The following KMT5C variants were observed in gnomAD, a reference collection of about 807,000 sequenced individuals.
KMT5C encodes lysine methyltransferase 5C, also known as histone-lysine N-methyltransferase KMT5C.
A neutral mutation model predicts 38.2 loss-of-function variants in KMT5C; 16 were observed. The ratio of observed to expected loss-of-function variants is 0.42; its 90% CI spans 0.28 to 0.64. The LOEUF (loss-of-function observed/expected upper bound fraction) is 0.64. Among genes scored for constraint, KMT5C ranks in the 30% least tolerant of loss-of-function variants. The pLI, the probability that KMT5C is intolerant of heterozygous loss-of-function variation, is 0.23. For synonymous variants in KMT5C, 291 were observed against 279.0 expected (o/e 1.04, Z -0.43); for missense variants, 598 against 665.1 (o/e 0.90, Z 1.11).
chr19:55,347,731 C>T lies in KMT5C; in HGVS notation c.*282C>T. 1 of 458,550 alleles carries T rather than the reference C, an allele frequency of 2.2e-6. No homozygotes were observed. Among genetic ancestry groups the T allele is most frequent in the Admixed American group, 4.0e-5 (1 of 24,786 alleles). The allele number at this position is 458,550 out of a possible 1,614,324, so 28.4% of individuals were successfully genotyped here. The stretch of plus-strand genomic sequence containing the variant: ...TCAGGACTGCAGGAGCCATCCGCCC[C>T]CCTCAGCCCCTTCCTCCCCAGGGAG... On this transcript the variant is annotated 3_prime_UTR_variant, in exon 9 of 9. Coordinates refer to ENST00000255613, the MANE Select transcript of KMT5C (RefSeq NM_032701.4). This position sits in a 1 kb window ranked among gnomAD's most constrained non-coding sequence, Gnocchi z 4.6.
intron 8 of KMT5C, 114 bp from the exon 9 acceptor site, chr19:55,346,842 C>G (rs2089624941): frequency 1.8e-6 from 1 of 560,148 alleles, no homozygotes; most frequent in Non-Finnish European, 2.9e-6. Context: ...CCGCATCATT[C>G]CTCTGGGGAG....
chr19:55,344,764 A>C (rs755082997), intron 6 of KMT5C: 1 of 528,356 alleles, frequency 1.9e-6, no homozygotes, highest in Non-Finnish European at 3.9e-6. Context: ...TGTAGCCCGG[A>C]AGCAGAAGGA....
chr19:55,342,690 G>A, intron 3 of KMT5C, 52 bp from the exon 4 acceptor site: 1 of 1,035,392 alleles, frequency 9.7e-7, no homozygotes, highest in Admixed American at 1.7e-5. Flanking sequence ...GGAGAGAGAG[G>A]GCCAAAGATG....
chr19:55,342,918 C>T, intron 4 of KMT5C, 67 bp downstream of exon 4: 1 of 1,048,074 alleles, frequency 9.5e-7, no homozygotes, highest in Non-Finnish European at 1.5e-6. Context: ...CAAGAGAGAC[C>T]CTCTGTTCAT....
rs753126440 is a variant in KMT5C, at chr19:55,347,165, C to A, written c.1105C>A (p.Arg369=). 29 of 1,536,326 alleles carry A rather than the reference C, an allele frequency of 1.9e-5. No individual in the cohort carries two copies. The highest frequency in any genetic ancestry group is 2.4e-5 in the Non-Finnish European group (28 of 1,146,886). ...WGGCGPHCRL[R]GEALVALGQP... Reference sequence around the variant, plus strand: ...AGGCTGTGGCCCCCACTGCCGCCTGCGAGGAGAGGCCCTGGTGGCCCTGGG... The same window carrying A: ...AGGCTGTGGCCCCCACTGCCGCCTGAGAGGAGAGGCCCTGGTGGCCCTGGG... The change falls in exon 9 of 9, where the codon CGA becomes AGA. Residue 369 remains arginine (R), a synonymous_variant. Coordinates refer to ENST00000255613, the MANE Select transcript of KMT5C (RefSeq NM_032701.4). This position sits in a 1 kb window ranked among gnomAD's most constrained non-coding sequence, Gnocchi z 4.6.
rs1279753778 is a variant in KMT5C, at chr19:55,343,967, A to G, written c.551-11A>G. 1.9e-6 allele frequency: 3 copies of G among 1,612,342 alleles called. No homozygotes were observed. Among genetic ancestry groups the G allele is most frequent in the Non-Finnish European group, 2.5e-6 (3 of 1,178,718 alleles). On this transcript the variant is annotated splice_polypyrimidine_tract_variant and intron_variant, in intron 5 of 8. Transcript: ENST00000255613. The surrounding 1 kb of genome is among the most constrained non-coding windows in gnomAD (Gnocchi z 5.5). ...TACCTCTCTTCTCTCTCCTGCCCCA[A>G]CTGGCTCCAGACTGCAAACCCAACT...
chr19:55,342,120 C>T, intron 2 of KMT5C, 74 bp downstream of exon 2: 1 of 1,579,582 alleles, frequency 6.3e-7, no homozygotes, highest in Non-Finnish European at 8.7e-7. Context: ...CGCCCCTCGG[C>T]CCTCTCCTTA....
chr19:55,346,519 C>A lies in KMT5C; in HGVS notation c.727C>A (p.Arg243=). The change falls in exon 8 of 9, where the codon CGA becomes AGA. Residue 243 remains arginine (R), a synonymous_variant. Transcript: ENST00000255613. ...TCERKGEGAF[R]TRPREPALPP... ...TCCCAGGAAAGGTGAAGGAGCTTTCCGAACCAGGCCTAGGGAGCCCGCGTT... is the reference window on the plus strand; with the variant it reads ...TCCCAGGAAAGGTGAAGGAGCTTTCAGAACCAGGCCTAGGGAGCCCGCGTT... The A allele has an allele frequency of 6.3e-7, 1 of 1,596,340 alleles. No individual in the cohort carries two copies. The highest frequency in any genetic ancestry group is 2.3e-5 in the East Asian group (1 of 43,470).
Position 55,342,296 on chromosome 19 carries a change from G to T in KMT5C, c.192G>T (p.Ala64=), listed in dbSNP as rs766318364. The T allele has an allele frequency of 1.3e-6, 2 of 1,596,428 alleles. No individual in the cohort carries two copies. Among genetic ancestry groups the T allele is most frequent in the Non-Finnish European group, 1.7e-6 (2 of 1,173,120 alleles). ...TGAGGCAGCGGGACCTGGAGGCTGC[G>T]TACCGGGCCCTGACGCTGGGAGGCT... ...TFLRQRDLEA[A]YRALTLGGWT... Residue 64 remains alanine (A), a synonymous_variant, in exon 3 of 9, where the codon GCG becomes GCT. Coordinates refer to ENST00000255613, the MANE Select transcript of KMT5C (RefSeq NM_032701.4).
chr19:55,344,428 G>A (rs1431965429), intron 6 of KMT5C: 1 of 328,530 alleles, frequency 3.0e-6, no homozygotes, highest in Admixed American at 4.3e-5. Flanking sequence ...GGTCCTGGAA[G>A]GGGCAGAGTG....
In KMT5C at chr19:55,346,672, C is replaced by G. The variant is rs780554220; in HGVS notation, c.880C>G (p.Arg294Gly). 7.7e-6 allele frequency: 12 copies of G among 1,568,054 alleles called. No individual in the cohort carries two copies. In the Admixed American group the frequency reaches 1.9e-4, roughly 25 times the overall value. ...CTGCGTGCACCCATCCCCGCTGCGC[C>G]GGGACCCATTCTGCGGTGAGCACCC... is the stretch of plus-strand genomic sequence containing the variant. ...RACVHPSPLRRDPFCAACQPL... is the reference protein window; with the variant it reads ...RACVHPSPLRGDPFCAACQPL... The change falls in exon 8 of 9, where the codon CGG becomes GGG. Residue 294 changes from arginine (R) to glycine (G), a missense_variant. Around this residue, in one of 3 missense-constraint regions of KMT5C, gnomAD observed 326 missense variants for 298.1 expected, o/e 1.09. Coordinates refer to ENST00000255613, the MANE Select transcript of KMT5C (RefSeq NM_032701.4).
rs757348957 is a variant in KMT5C, at chr19:55,342,426, G to C, written c.276+46G>C. 74 of 1,382,856 alleles carry C rather than the reference G, an allele frequency of 5.4e-5. 1 individual carries two copies. The Admixed American group carries it at 1.8e-3, about 33-fold the overall frequency. 85.7% of individuals were successfully genotyped at this position (1,382,856 alleles called of 1,614,324 possible). ...CCCGCCCTCACCGCGTGTCCTCCCCGCTCACCGGGCCTGGTCCCGCCTGGC... is the reference window on the plus strand; with the variant it reads ...CCCGCCCTCACCGCGTGTCCTCCCCCCTCACCGGGCCTGGTCCCGCCTGGC... On this transcript the variant is annotated intron_variant, in intron 3 of 8. Coordinates refer to ENST00000255613, the MANE Select transcript of KMT5C (RefSeq NM_032701.4).
At chr19:55,344,736 A>G (rs1200394242) in intron 6 of KMT5C, 2 of 527,036 alleles carry the variant, frequency 3.8e-6, no homozygotes, top group Non-Finnish European at 7.8e-6. Context: ...CATGCCCAGG[A>G]GAGGCCGCTG....
intron 3 of KMT5C, 74 bp downstream of exon 3, chr19:55,342,454 A>G (rs1390963555): frequency 8.0e-7 from 1 of 1,247,232 alleles, no homozygotes; most frequent in African/African-American, 1.5e-5. Context: ...CGCCTGGCAG[A>G]CGCTCTAGAG....
chr19:55,346,496 C>T lies in KMT5C; in HGVS notation c.708-4C>T. ...CCTCATCTCCCCTTCACCCGGTCTC[C>T]CAGGAAAGGTGAAGGAGCTTTCCGA... On this transcript the variant is annotated splice_polypyrimidine_tract_variant and splice_region_variant and intron_variant, in intron 7 of 8. Transcript: ENST00000255613. 1.3e-6 allele frequency: 2 copies of T among 1,592,246 alleles called. No individual in the cohort carries two copies. Among genetic ancestry groups the T allele is most frequent in the Non-Finnish European group, 1.7e-6 (2 of 1,169,796 alleles).
chr19:55,341,434 G>T (rs1315387045), intron 1 of KMT5C, among the ~76,000 whole-genome samples: 1 of 152,216 alleles, frequency 6.6e-6, no homozygotes, highest in Non-Finnish European at 1.5e-5. Context: ...CTGGCGGGAA[G>T]CTTTGACTTT....
At position 55,347,689 on chromosome 19, in the gene KMT5C, C is replaced by T. The variant is rs1026431572; in HGVS notation, c.*240C>T. 12 of 573,356 alleles carry T rather than the reference C, an allele frequency of 2.1e-5. No individual in the cohort carries two copies. The South Asian group carries it at 3.3e-4, about 16-fold the overall frequency. The allele number at this position is 573,356 out of a possible 1,614,324, so 35.5% of individuals were successfully genotyped here. ...GAGCCCCGGCCATTTGCTGCCCTCC[C>T]CACCCCTGCCCCAGCCTCAGGACTG... On this transcript the variant is annotated 3_prime_UTR_variant, in exon 9 of 9. Coordinates refer to ENST00000255613, the MANE Select transcript of KMT5C (RefSeq NM_032701.4). The surrounding 1 kb of genome is among the most constrained non-coding windows in gnomAD (Gnocchi z 4.6).
intron 6 of KMT5C, chr19:55,345,180 T>G: frequency 2.4e-6 from 1 of 409,120 alleles, no homozygotes; most frequent in Non-Finnish European, 4.9e-6. Flanking sequence ...GAAGCCATGC[T>G]GGGCATCGAC....
At chr19:55,346,479 C>T (rs1352795381) in intron 7 of KMT5C, 21 bp from the exon 8 acceptor site, 1 of 1,592,168 alleles carries the variant, frequency 6.3e-7, no homozygotes, top group Non-Finnish European at 8.5e-7. Flanking sequence ...GGCCTCATCT[C>T]CCCTTCACCC....
Sources: allele counts gnomAD v4.1 joint callset (sites outside exome capture counted in the v4.1 genomes callset), GRCh38; gene constraint gnomAD v4.1.1; regional missense constraint gnomAD v4.1.1; non-coding constraint Gnocchi (gnomAD v3.1); transcripts MANE v1.5; gene names NCBI Gene and HGNC (gene_info 2026-07-23, HGNC 2026-07-21).